AKT3: variants seen among roughly 807,000 people sequenced by gnomAD.
AKT3 encodes RAC-gamma serine/threonine-protein kinase.
A neutral mutation model predicts 65.3 loss-of-function variants in AKT3; 15 were observed. That is an observed-to-expected ratio of 0.23 (90% confidence interval 0.15 to 0.35). The LOEUF (loss-of-function observed/expected upper bound fraction) is 0.35, where lower values mean the gene tolerates loss of function less well. Among genes scored for constraint, AKT3 ranks in the 10% least tolerant of loss-of-function variants. AKT3 has a pLI of 1.00. For missense variants in AKT3, 243 were observed against 576.5 expected (o/e 0.42, Z 5.92); for synonymous variants, 206 against 183.8 (o/e 1.12, Z -0.98).
chr1:243,621,615 G>A (rs576833774), intron 6 of AKT3, among the ~76,000 whole-genome samples: 5 of 152,098 alleles, frequency 3.3e-5, no homozygotes, highest in Non-Finnish European at 7.4e-5. Flanking sequence ...CTTAAAAAAT[G>A]CCTATTTGGC....
chr1:243,807,327 TCCC>T lies in AKT3; in HGVS notation c.46+35795_46+35797del, dbSNP rs1692799526. On this transcript the variant is annotated intron_variant, in intron 2 of 13. Coordinates refer to ENST00000673466, the MANE Select transcript of AKT3 (RefSeq NM_005465.7). The stretch of plus-strand genomic sequence containing the variant: ...AACAGCACCTGGAAAATCGGGTCAC[TCCC>T]ACCCTAATACTGCGCTTTTCCAACG... 2.6e-5 allele frequency among the ~76,000 whole-genome samples: 4 copies of T among 152,134 alleles called. 1 individual carries two copies. The East Asian group carries it at 7.7e-4, about 29-fold the overall frequency.
At chr1:243,842,791 T>C (rs1405222642) in intron 2 of AKT3, among the ~76,000 whole-genome samples, 1 of 152,146 alleles carries the variant, frequency 6.6e-6, no homozygotes, top group Admixed American at 6.5e-5. Context: ...GGATCGTACT[T>C]TTACATATAT....
chr1:243,499,882 G>GGCTGAGGC lies in AKT3; in HGVS notation c.*5366_*5367insGCCTCAGC. ...GCCACAACGCACCACGACCTTCCCA[G>GGCTGAGGC]GGTGACACCGCCTCAGCCTGCAGTG... On this transcript the variant is annotated 3_prime_UTR_variant, in exon 14 of 14. Coordinates refer to ENST00000673466, the MANE Select transcript of AKT3 (RefSeq NM_005465.7). 1 of 1,180,672 alleles carries GGCTGAGGC rather than the reference G, an allele frequency of 8.5e-7. No homozygotes were observed. Among genetic ancestry groups the GGCTGAGGC allele is most frequent in the Non-Finnish European group, 1.2e-6 (1 of 803,604 alleles). The allele number at this position is 1,180,672 out of a possible 1,614,324, so 73.1% of individuals were successfully genotyped here.
chr1:243,647,603 G>C (rs1239230563), intron 4 of AKT3, among the ~76,000 whole-genome samples: 1 of 152,104 alleles, frequency 6.6e-6, no homozygotes, highest in Admixed American at 6.5e-5. Flanking sequence ...TTTGTATATT[G>C]ACTTTGTATA....
chr1:243,844,554 C>T (rs1042779860), intron 1 of AKT3, among the ~76,000 whole-genome samples: 2 of 152,158 alleles, frequency 1.3e-5, no homozygotes, highest in Non-Finnish European at 2.9e-5. Context: ...TCATAGCTCA[C>T]TGCAGCCTCC....
intron 12 of AKT3, among the ~76,000 whole-genome samples, chr1:243,543,106 G>C (rs1672429246): frequency 6.6e-6 from 1 of 151,942 alleles, no homozygotes; most frequent in Non-Finnish European, 1.5e-5. Context: ...AAGGTGTTTA[G>C]GCAGCTCCTC....
At chr1:243,740,392 A>AT (rs749502288) in intron 2 of AKT3, among the ~76,000 whole-genome samples, 2 of 152,112 alleles carry the variant, frequency 1.3e-5, no homozygotes, top group Non-Finnish European at 2.9e-5. Flanking sequence ...ACTCCCTCTA[A>AT]TTCTGGTAAG....
At chr1:243,660,659 G>A (rs1682235736) in intron 4 of AKT3, among the ~76,000 whole-genome samples, 1 of 152,188 alleles carries the variant, frequency 6.6e-6, no homozygotes. Context: ...ACAAGACAGG[G>A]ATGCCCTCTC....
chr1:243,645,381 G>A (rs1680730467), intron 5 of AKT3, among the ~76,000 whole-genome samples: 1 of 152,054 alleles, frequency 6.6e-6, no homozygotes, highest in Non-Finnish European at 1.5e-5. Flanking sequence ...GGAACACTGA[G>A]AGAAGGAAAA....
intron 8 of AKT3, among the ~76,000 whole-genome samples, chr1:243,594,695 T>TCA (rs1418993063): frequency 6.6e-6 from 1 of 152,134 alleles, no homozygotes; most frequent in Non-Finnish European, 1.5e-5. Context: ...CCTCTTGGGC[T>TCA]CAAGCAATGC....
intron 2 of AKT3, among the ~76,000 whole-genome samples, chr1:243,764,190 A>T (rs1432220298): frequency 6.6e-6 from 1 of 152,100 alleles, no homozygotes; most frequent in Non-Finnish European, 1.5e-5. Flanking sequence ...TTTCTCTACC[A>T]AGGTGTTAAG....
intron 2 of AKT3, among the ~76,000 whole-genome samples, chr1:243,819,609 C>T (rs533843543): frequency 1.3e-5 from 2 of 152,318 alleles, no homozygotes; most frequent in East Asian, 3.9e-4. Flanking sequence ...GTGTGACAAT[C>T]CCCAGCACAG....
At chr1:243,835,098 CT>C (rs1694809239) in intron 2 of AKT3, among the ~76,000 whole-genome samples, 1 of 152,068 alleles carries the variant, frequency 6.6e-6, no homozygotes, top group African/African-American at 2.4e-5. Context: ...AATAGAGTTC[CT>C]CAACCTCAGC....
At chr1:243,630,651 A>G (rs572525110) in intron 6 of AKT3, among the ~76,000 whole-genome samples, 70 of 152,088 alleles carry the variant, frequency 4.6e-4, no homozygotes, top group African/African-American at 1.7e-3. Flanking sequence ...CTGGCCTCCA[A>G]TTCATTCTTG....
chr1:243,834,939 T>C (rs1694796276), intron 2 of AKT3, among the ~76,000 whole-genome samples: 1 of 152,040 alleles, frequency 6.6e-6, no homozygotes, highest in Admixed American at 6.6e-5. Flanking sequence ...GGTGATATAC[T>C]ATACAGGAGA....
At chr1:243,808,378 C>T (rs891456987) in intron 2 of AKT3, 29 of 151,698 alleles carry the variant, frequency 1.9e-4, no homozygotes, top group Non-Finnish European at 3.1e-4. Context: ...AACTACGTGA[C>T]GAATGCACAA....
chr1:243,759,403 C>T (rs150450620), intron 2 of AKT3, among the ~76,000 whole-genome samples: 180 of 151,194 alleles, frequency 1.2e-3, no homozygotes, highest in African/African-American at 2.4e-3. Context: ...AGAGAATGTC[C>T]ATCAAATTTA....
intron 5 of AKT3, among the ~76,000 whole-genome samples, chr1:243,638,184 AAGAT>A (rs1680115644): frequency 6.6e-6 from 1 of 152,184 alleles, no homozygotes; most frequent in African/African-American, 2.4e-5. Context: ...TAGCAAAATA[AAGAT>A]AAAATCCAAG....
chr1:243,606,005 CTCCTAT>C (rs1015427545), intron 8 of AKT3, among the ~76,000 whole-genome samples: 13 of 152,156 alleles, frequency 8.5e-5, no homozygotes, highest in Non-Finnish European at 1.5e-4. Context: ...CTCTCTCCTG[CTCCTAT>C]GTGAAGAAGG....
Sources: allele counts gnomAD v4.1 joint callset (sites outside exome capture counted in the v4.1 genomes callset), GRCh38; gene constraint gnomAD v4.1.1; transcripts MANE v1.5; gene names NCBI Gene and HGNC (gene_info 2026-07-23, HGNC 2026-07-21).